The following EML4 variants were observed in gnomAD, a reference collection of about 807,000 sequenced individuals.
EML4 encodes the protein EMAP like 4.
EML4 carries 72 observed loss-of-function variants against 129.0 expected under a neutral mutation model. The ratio of observed to expected loss-of-function variants is 0.56; its 90% CI spans 0.46 to 0.68. EML4 has a LOEUF of 0.68. Among genes scored for constraint, EML4 ranks in the 30% least tolerant of loss-of-function variants. The probability of loss-of-function intolerance (pLI) is 0.00; values close to 1 mark genes in which losing one functional copy is unlikely to be tolerated. For synonymous variants in EML4, 532 were observed against 405.0 expected (o/e 1.31, Z -3.77); for missense variants, 1,363 against 1,190.6 (o/e 1.14, Z -2.13).
At chr2:42,219,763 C>CA (rs1387264485) in intron 1 of EML4, among the ~76,000 whole-genome samples, 10 of 150,358 alleles carry the variant, frequency 6.7e-5, no homozygotes, top group East Asian at 3.9e-4. Context: ...ACTAAAAATA[C>CA]AAAAAAAAAT....
At chr2:42,276,759 T>C (rs1428318166) in intron 6 of EML4, among the ~76,000 whole-genome samples, 4 of 152,220 alleles carry the variant, frequency 2.6e-5, no homozygotes, top group African/African-American at 7.2e-5. Flanking sequence ...TAACAAAGCG[T>C]GAAGCTAAGA....
At chr2:42,315,876 AT>A (rs1669217765) in intron 17 of EML4, 85 bp from the exon 18 acceptor site, 1 of 961,530 alleles carries the variant, frequency 1.0e-6, no homozygotes, top group Admixed American at 2.1e-5. Flanking sequence ...GCAAGACTCC[AT>A]CTCAAAAAAA....
intron 6 of EML4, among the ~76,000 whole-genome samples, chr2:42,275,457 T>G (rs1666604506): frequency 6.6e-6 from 1 of 152,210 alleles, no homozygotes; most frequent in African/African-American, 2.4e-5. Flanking sequence ...ATTTAACCTC[T>G]CTGAGTGTTG....
intron 6 of EML4, among the ~76,000 whole-genome samples, chr2:42,265,422 T>G (rs1268243001): frequency 6.6e-6 from 1 of 152,056 alleles, no homozygotes; most frequent in Non-Finnish European, 1.5e-5. Flanking sequence ...GTATTTTTAG[T>G]AAAGATGGAG....
intron 13 of EML4, among the ~76,000 whole-genome samples, chr2:42,298,753 T>C (rs1668097539): frequency 1.3e-5 from 2 of 152,146 alleles, no homozygotes; most frequent in Admixed American, 1.3e-4. Context: ...AACAAGGTTT[T>C]TGTCATGTTT....
chr2:42,325,996 A>T, intron 20 of EML4, 158 bp from the exon 21 acceptor site: 1 of 714,236 alleles, frequency 1.4e-6, no homozygotes, highest in Non-Finnish European at 1.7e-6. Flanking sequence ...AAACCCTGTT[A>T]AAGTGAACAC....
At chr2:42,210,260 C>T (rs1034479768) in intron 1 of EML4, among the ~76,000 whole-genome samples, 9 of 152,048 alleles carry the variant, frequency 5.9e-5, no homozygotes, top group African/African-American at 2.2e-4. Flanking sequence ...GATACCTCGA[C>T]AGTTTTAAGA....
In EML4 at chr2:42,295,112, T is replaced by G; in HGVS notation, c.1219-13T>G. ...ATATACATTCATCTAAAGCTTTATT[T>G]CCCTTTTCATAGACAACAAATGAAG... On this transcript the variant is annotated splice_polypyrimidine_tract_variant and intron_variant, in intron 11 of 22. Coordinates refer to ENST00000318522, the MANE Select transcript of EML4 (RefSeq NM_019063.5). The G allele has an allele frequency of 6.3e-7, 1 of 1,599,936 alleles. No homozygotes were observed. The highest frequency in any genetic ancestry group is 8.5e-7 in the Non-Finnish European group (1 of 1,175,364).
At position 42,236,368 on chromosome 2, in the gene EML4, A is replaced by G. The variant is rs558109028; in HGVS notation, c.26-9137A>G. ...TTCCAATTTGTTTTTATGATGAACTATGCTGCTGTGAATATTCTTGGACAT... is the reference window on the plus strand; with the variant it reads ...TTCCAATTTGTTTTTATGATGAACTGTGCTGCTGTGAATATTCTTGGACAT... On this transcript the variant is annotated intron_variant, in intron 1 of 22. Transcript: ENST00000318522. Among the ~76,000 whole-genome samples, 18 of 152,326 alleles carry G rather than the reference A, an allele frequency of 1.2e-4. No individual in the cohort carries two copies. In the East Asian group the frequency reaches 1.3e-3, roughly 11 times the overall value.
chr2:42,293,274 A>G (rs1667756910), intron 11 of EML4, among the ~76,000 whole-genome samples: 1 of 151,946 alleles, frequency 6.6e-6, no homozygotes, highest in South Asian at 2.1e-4. Flanking sequence ...ACGCCGGCTA[A>G]TTTACTTTTT....
chr2:42,255,083 T>C (rs535523178), intron 2 of EML4, among the ~76,000 whole-genome samples: 1 of 151,950 alleles, frequency 6.6e-6, no homozygotes, highest in South Asian at 2.1e-4. Context: ...GTTTTTGTTT[T>C]TTTTTTCTTT....
intron 1 of EML4, among the ~76,000 whole-genome samples, chr2:42,184,266 G>C (rs1351036868): frequency 2.6e-5 from 4 of 151,290 alleles, no homozygotes; most frequent in Non-Finnish European, 5.9e-5. Flanking sequence ...TAAGTTTTAG[G>C]GTACATGTGC....
In EML4 at chr2:42,262,669, T is replaced by C. The variant is rs551024418; in HGVS notation, c.513-509T>C. The stretch of plus-strand genomic sequence containing the variant: ...AGGATTGCCAATAACCACATTCTTA[T>C]ATAAAGTCTTGTTTATTTCTGATCA... On this transcript the variant is annotated intron_variant, in intron 4 of 22. Coordinates refer to ENST00000318522, the MANE Select transcript of EML4 (RefSeq NM_019063.5). Among the ~76,000 whole-genome samples the C allele has an allele frequency of 3.3e-5, 5 of 152,338 alleles. No individual in the cohort carries two copies. The East Asian group carries it at 5.8e-4, about 18-fold the overall frequency.
chr2:42,259,201 C>G (rs1284466963), intron 3 of EML4, among the ~76,000 whole-genome samples: 1 of 149,904 alleles, frequency 6.7e-6, no homozygotes, highest in Non-Finnish European at 1.5e-5. Context: ...GAGCCAAGAT[C>G]ATACCACTGC....
chr2:42,171,319 C>T (rs1380167391), intron 1 of EML4, among the ~76,000 whole-genome samples: 1 of 152,146 alleles, frequency 6.6e-6, no homozygotes, highest in Non-Finnish European at 1.5e-5. Flanking sequence ...GTATTGGGTC[C>T]TCATCCTGTA....
At chr2:42,326,313 C>T in intron 21 of EML4, 61 bp downstream of exon 21, 1 of 1,124,530 alleles carries the variant, frequency 8.9e-7, no homozygotes, top group East Asian at 2.6e-5. Context: ...ATAATATTTA[C>T]TTGCTTAAAT....
At chr2:42,242,014 G>A (rs1031280654) in intron 1 of EML4, among the ~76,000 whole-genome samples, 1 of 152,146 alleles carries the variant, frequency 6.6e-6, no homozygotes, top group Non-Finnish European at 1.5e-5. Flanking sequence ...AATTTTACAA[G>A]CTGAACCACC....
At chr2:42,307,501 A>G (rs1668677338) in intron 17 of EML4, among the ~76,000 whole-genome samples, 1 of 152,118 alleles carries the variant, frequency 6.6e-6, no homozygotes. Context: ...TCCTTGGGGA[A>G]CTTTCTCATT....
intron 11 of EML4, among the ~76,000 whole-genome samples, chr2:42,293,512 G>GA (rs1469582367): frequency 6.6e-6 from 1 of 151,564 alleles, no homozygotes; most frequent in African/African-American, 2.4e-5. Context: ...AACTGTGAGG[G>GA]AAAAAAAAGA....
Sources: allele counts gnomAD v4.1 joint callset (sites outside exome capture counted in the v4.1 genomes callset), GRCh38; gene constraint gnomAD v4.1.1; transcripts MANE v1.5; gene names NCBI Gene and HGNC (gene_info 2026-07-23, HGNC 2026-07-21).